Variants in ROR1 observed in about 807,000 individuals in gnomAD.
The protein encoded by ROR1 is inactive tyrosine-protein kinase transmembrane receptor ROR1.
Under a neutral mutation model 78.8 loss-of-function variants are expected in ROR1, and 19 were observed. That is an observed-to-expected ratio of 0.24 (90% CI 0.17 to 0.35). The LOEUF (loss-of-function observed/expected upper bound fraction) is 0.35. Among genes scored for constraint, ROR1 ranks in the 10% least tolerant of loss-of-function variants. The pLI is 1.00. For missense variants in ROR1, 917 were observed against 1,177.8 expected (o/e 0.78, Z 3.24); for synonymous variants, 386 against 433.6 (o/e 0.89, Z 1.36).
rs569089162 is a variant in ROR1, at chr1:64,049,851, G to A, written c.324G>A (p.Arg108=). 2 of 1,614,166 alleles carry A rather than the reference G, an allele frequency of 1.2e-6. No individual in the cohort carries two copies. The highest frequency in any genetic ancestry group is 2.2e-5 in the South Asian group (2 of 91,078). Residue 108 remains arginine (R), a synonymous_variant, in exon 3 of 9, where the codon CGG becomes CGA. Transcript: ENST00000371079. Reference sequence around the variant, plus strand: ...AGGAGCCCCGGAGGCTCTCCTTTCGGTCCACCATCTATGGCTCTCGGCTGC... The same window carrying A: ...AGGAGCCCCGGAGGCTCTCCTTTCGATCCACCATCTATGGCTCTCGGCTGC... ...VVQEPRRLSF[R]STIYGSRLRI...
At chr1:63,818,625 AG>A (rs1644906663) in intron 1 of ROR1, among the ~76,000 whole-genome samples, 1 of 152,340 alleles carries the variant, frequency 6.6e-6, no homozygotes, top group Middle Eastern at 3.4e-3. Flanking sequence ...TTTAGGAAAA[AG>A]AGAAAATTGT....
intron 1 of ROR1, among the ~76,000 whole-genome samples, chr1:63,783,449 A>C (rs1444496076): frequency 6.6e-6 from 1 of 152,140 alleles, no homozygotes; most frequent in Admixed American, 6.5e-5. Context: ...TAACACACTG[A>C]GCATACTGTG....
chr1:63,900,414 G>A (rs113805781), intron 1 of ROR1, among the ~76,000 whole-genome samples: 6,394 of 138,980 alleles, frequency 0.046, 254 homozygotes, highest in Admixed American at 0.15. Flanking sequence ...AGGTGGTGGC[G>A]TTGCACTCCA....
intron 2 of ROR1, among the ~76,000 whole-genome samples, chr1:64,034,183 AT>A (rs35110436): frequency 0.43 from 61,793 of 143,904 alleles, 13,584 homozygotes; most frequent in East Asian, 0.53. Flanking sequence ...TTGCTTTTTC[AT>A]TTTTTTTTTT....
chr1:63,865,789 G>T (rs773615957), intron 1 of ROR1, among the ~76,000 whole-genome samples: 1 of 152,154 alleles, frequency 6.6e-6, no homozygotes, highest in Non-Finnish European at 1.5e-5. Context: ...TGTACATAGC[G>T]CTTGTGACTG....
At chr1:63,897,752 A>T (rs1044082480) in intron 1 of ROR1, among the ~76,000 whole-genome samples, 2 of 152,224 alleles carry the variant, frequency 1.3e-5, no homozygotes, top group Non-Finnish European at 2.9e-5. Context: ...ATGAACTGTC[A>T]CATTTTATTA....
chr1:64,068,553 G>C (rs1305180749), intron 4 of ROR1, among the ~76,000 whole-genome samples: 1 of 150,388 alleles, frequency 6.6e-6, no homozygotes, highest in African/African-American at 2.4e-5. Flanking sequence ...TATATGAAAT[G>C]ATTTTAACGA....
At chr1:64,076,381 T>A (rs1175107561) in intron 4 of ROR1, among the ~76,000 whole-genome samples, 1 of 152,202 alleles carries the variant, frequency 6.6e-6, no homozygotes, top group Non-Finnish European at 1.5e-5. Context: ...TTTGAAATCT[T>A]TATGATCTGC....
At chr1:64,029,526 C>T (rs1646642362) in intron 2 of ROR1, among the ~76,000 whole-genome samples, 1 of 152,154 alleles carries the variant, frequency 6.6e-6, no homozygotes, top group African/African-American at 2.4e-5. Flanking sequence ...TATTGTATTA[C>T]AGTTCTGGAG....
At chr1:63,884,117 G>A (rs1165905253) in intron 1 of ROR1, among the ~76,000 whole-genome samples, 1 of 152,194 alleles carries the variant, frequency 6.6e-6, no homozygotes, top group Admixed American at 6.5e-5. Context: ...TGCAGACAGA[G>A]TGGCTGGTCT....
intron 1 of ROR1, among the ~76,000 whole-genome samples, chr1:63,900,351 G>A (rs1645475180): frequency 6.6e-6 from 1 of 151,466 alleles, no homozygotes; most frequent in Admixed American, 6.6e-5. Context: ...CTACTTGGGA[G>A]GCTGAGGCAG....
chr1:64,023,455 TC>T (rs1197183437), intron 2 of ROR1, among the ~76,000 whole-genome samples: 11 of 152,188 alleles, frequency 7.2e-5, no homozygotes, highest in Non-Finnish European at 1.6e-4. Context: ...GCTGTTCAGC[TC>T]TTTTAAGGTA....
At chr1:64,025,939 C>T (rs1646605727) in intron 2 of ROR1, among the ~76,000 whole-genome samples, 1 of 151,998 alleles carries the variant, frequency 6.6e-6, no homozygotes, top group African/African-American at 2.4e-5. Flanking sequence ...GATGGGTGCA[C>T]CAAAATATCT....
At chr1:64,105,612 C>T (rs1006417356) in intron 4 of ROR1, 1 of 152,112 alleles carries the variant, frequency 6.6e-6, no homozygotes, top group Non-Finnish European at 1.5e-5. Flanking sequence ...GTCTTTAATC[C>T]ATCCTAAGTT....
rs577809235 is a variant in ROR1, at chr1:63,775,576, A to T, written c.91+1068A>T. Among the ~76,000 whole-genome samples the T allele has an allele frequency of 6.5e-3, 990 of 152,268 alleles. 5 individuals carry two copies. The highest frequency in any genetic ancestry group is 0.023 in the African/African-American group (947 of 41,556). ...TCTGCTCTTTTATCATGCATCTTTC[A>T]TTTTTAAGTTAGCACTGTGTTTAGG... On this transcript the variant is annotated intron_variant, in intron 1 of 8. Coordinates refer to ENST00000371079, the MANE Select transcript of ROR1 (RefSeq NM_005012.4).
At position 63,989,526 on chromosome 1, in the gene ROR1, A is replaced by G. The variant is rs568028083; in HGVS notation, c.92-19779A>G. 2.6e-5 allele frequency among the ~76,000 whole-genome samples: 4 copies of G among 152,298 alleles called. No individual in the cohort carries two copies. The South Asian group carries it at 6.2e-4, about 24-fold the overall frequency. On this transcript the variant is annotated intron_variant, in intron 1 of 8. Coordinates refer to ENST00000371079, the MANE Select transcript of ROR1 (RefSeq NM_005012.4). Reference sequence around the variant, plus strand: ...AAACCTACTTTGGTGTAACTCCTGTAGCTTGTGTAACAGTTGCCTTTAATT... The same window carrying G: ...AAACCTACTTTGGTGTAACTCCTGTGGCTTGTGTAACAGTTGCCTTTAATT...
At chr1:63,922,067 T>C (rs1050530099) in intron 1 of ROR1, among the ~76,000 whole-genome samples, 2 of 152,188 alleles carry the variant, frequency 1.3e-5, no homozygotes, top group Non-Finnish European at 2.9e-5. Flanking sequence ...TCATGCTGTT[T>C]CAGAGCAGCC....
intron 4 of ROR1, among the ~76,000 whole-genome samples, chr1:64,051,455 T>TAAAAA (rs369511325): frequency 0.13 from 5,207 of 39,096 alleles, 208 homozygotes; most frequent in African/African-American, 0.15. Flanking sequence ...GTCTCAAAAA[T>TAAAAA]AAAAAATAAA....
intron 2 of ROR1, among the ~76,000 whole-genome samples, chr1:64,027,131 A>G (rs1646618546): frequency 6.6e-6 from 1 of 152,162 alleles, no homozygotes. Flanking sequence ...GGACACCTAA[A>G]CCTCATGAGG....
Sources: gnomAD v4.1 joint callset for allele counts (sites outside exome capture counted in the v4.1 genomes callset) on GRCh38, gnomAD v4.1.1 for gene constraint, MANE v1.5 for transcripts, NCBI Gene and HGNC (gene_info 2026-07-23, HGNC 2026-07-21) for gene names.